SHC4: variants seen among roughly 807,000 people sequenced by gnomAD.
SHC4 encodes the protein SHC-transforming protein 4.
Under a neutral mutation model 69.4 loss-of-function variants are expected in SHC4, and 41 were observed. The ratio of observed to expected loss-of-function variants is 0.59; its 90% confidence interval spans 0.46 to 0.77. The LOEUF is 0.77. Among genes scored for constraint, SHC4 ranks in the 30% least tolerant of loss-of-function variants. The pLI is 0.00. For synonymous variants in SHC4, 318 were observed against 299.3 expected, an observed-to-expected ratio of 1.06 and a Z score of -0.64; for missense variants, 777 against 783.8, an observed-to-expected ratio of 0.99 and a Z score of 0.10.
intron 6 of SHC4, among the ~76,000 whole-genome samples, chr15:48,866,523 C>T (rs1457663176): frequency 6.6e-6 from 1 of 152,176 alleles, no homozygotes; most frequent in Admixed American, 6.5e-5. Flanking sequence ...TTAAGTTTCT[C>T]CCTGAATCCA....
chr15:48,860,526 TAAATAA>T (rs752293721), intron 6 of SHC4, among the ~76,000 whole-genome samples: 22 of 151,630 alleles, frequency 1.5e-4, no homozygotes, highest in Non-Finnish European at 1.9e-4. Context: ...ATAATAATAA[TAAATAA>T]AAATAAAAAT....
intron 3 of SHC4, among the ~76,000 whole-genome samples, chr15:48,885,285 G>A (rs1421872719): frequency 6.6e-6 from 1 of 152,154 alleles, no homozygotes; most frequent in African/African-American, 2.4e-5. Context: ...GATGACCTTA[G>A]ACAAATAAAC....
chr15:48,900,176 TCTC>T (rs1900297804), intron 2 of SHC4, among the ~76,000 whole-genome samples: 1 of 152,106 alleles, frequency 6.6e-6, no homozygotes, highest in Non-Finnish European at 1.5e-5. Flanking sequence ...AATCCTCTCT[TCTC>T]CTCTCTGCCT....
intron 4 of SHC4, among the ~76,000 whole-genome samples, chr15:48,881,911 T>C (rs965733798): frequency 2.0e-5 from 3 of 152,224 alleles, no homozygotes; most frequent in African/African-American, 7.2e-5. Flanking sequence ...TGAATTGTTA[T>C]ATTCTTGATG....
chr15:48,905,136 A>G (rs1900386232), intron 2 of SHC4, among the ~76,000 whole-genome samples: 1 of 152,146 alleles, frequency 6.6e-6, no homozygotes. Flanking sequence ...TGACCATGGA[A>G]AGTTCAAGAC....
intron 1 of SHC4, among the ~76,000 whole-genome samples, chr15:48,941,191 G>A (rs1901169363): frequency 6.6e-6 from 1 of 152,190 alleles, no homozygotes; most frequent in African/African-American, 2.4e-5. Flanking sequence ...CGAATCAGAA[G>A]AGTATAAGAC....
intron 1 of SHC4, among the ~76,000 whole-genome samples, chr15:48,942,468 T>C (rs1407027668): frequency 6.6e-6 from 1 of 152,088 alleles, no homozygotes; most frequent in Non-Finnish European, 1.5e-5. Context: ...GCTTATTTTA[T>C]AGCTTGTATT....
chr15:48,933,147 C>G (rs1901001312), intron 1 of SHC4, among the ~76,000 whole-genome samples: 1 of 152,070 alleles, frequency 6.6e-6, no homozygotes, highest in Non-Finnish European at 1.5e-5. Context: ...ATATGGCCTA[C>G]AAAAAGAACA....
At chr15:48,882,222 T>C (rs956451825) in intron 4 of SHC4, among the ~76,000 whole-genome samples, 2 of 152,136 alleles carry the variant, frequency 1.3e-5, no homozygotes, top group African/African-American at 4.8e-5. Flanking sequence ...TTGAGGCCTC[T>C]ACAGTGGCAC....
At chr15:48,927,296 C>G (rs1356838873) in intron 1 of SHC4, among the ~76,000 whole-genome samples, 4 of 152,208 alleles carry the variant, frequency 2.6e-5, no homozygotes, top group African/African-American at 9.6e-5. Flanking sequence ...AGTCCTGGCT[C>G]TGGAAAGAGT....
intron 1 of SHC4, among the ~76,000 whole-genome samples, chr15:48,930,407 C>G (rs968102709): frequency 6.6e-6 from 1 of 152,138 alleles, no homozygotes; most frequent in African/African-American, 2.4e-5. Context: ...CAGAATATAC[C>G]TGCATCTTGG....
intron 1 of SHC4, among the ~76,000 whole-genome samples, chr15:48,949,124 C>T (rs1721812092): frequency 6.6e-6 from 1 of 152,130 alleles, no homozygotes; most frequent in Non-Finnish European, 1.5e-5. Context: ...GTAATCCCAG[C>T]ACTTTGGGAG....
chr15:48,884,787 C>T (rs1900005230), intron 3 of SHC4, among the ~76,000 whole-genome samples: 1 of 152,174 alleles, frequency 6.6e-6, no homozygotes, highest in Admixed American at 6.6e-5. Flanking sequence ...TACGTAACTG[C>T]TTCCTTCTCT....
rs566992599 is a variant in SHC4, at chr15:48,840,048, C to T, written c.1483+3361G>A. ...CATCCTTTAAAGAAATATATATGTG[C>T]TCCTCTTGCTTTTCTCCTTTCCCAC... On this transcript the variant is annotated intron_variant, in intron 10 of 11. Coordinates refer to ENST00000332408, the MANE Select transcript of SHC4 (RefSeq NM_203349.4). 2.6e-5 allele frequency among the ~76,000 whole-genome samples: 4 copies of T among 152,278 alleles called. No homozygotes were observed. In the South Asian group the frequency reaches 8.3e-4, roughly 32 times the overall value.
chr15:48,827,097 T>C (rs1898702873), intron 11 of SHC4, among the ~76,000 whole-genome samples: 1 of 152,160 alleles, frequency 6.6e-6, no homozygotes, highest in African/African-American at 2.4e-5. Flanking sequence ...CAAGTGCTCC[T>C]GTTTGGAGGG....
chr15:48,857,475 G>C (rs1899345941), intron 7 of SHC4, among the ~76,000 whole-genome samples: 1 of 152,016 alleles, frequency 6.6e-6, no homozygotes. Context: ...TTTTAATCTT[G>C]TTACAAAGCA....
At chr15:48,872,282 T>C (rs1899692918) in intron 4 of SHC4, 140 bp from the exon 5 acceptor site, 4 of 512,072 alleles carry the variant, frequency 7.8e-6, no homozygotes, top group African/African-American at 2.0e-5. Context: ...ACCTACACTC[T>C]ATAATAATCT....
intron 1 of SHC4, among the ~76,000 whole-genome samples, chr15:48,956,832 A>G (rs1306968414): frequency 6.6e-6 from 1 of 152,192 alleles, no homozygotes. Context: ...TCCTCAAGGT[A>G]ACTCTTTCTA....
At chr15:48,933,062 C>A (rs1900999425) in intron 1 of SHC4, among the ~76,000 whole-genome samples, 1 of 152,050 alleles carries the variant, frequency 6.6e-6, no homozygotes, top group African/African-American at 2.4e-5. Flanking sequence ...AAACTCAGTG[C>A]TTAATAATAA....
Sources: gnomAD v4.1 joint callset for allele counts (sites outside exome capture counted in the v4.1 genomes callset) on GRCh38, gnomAD v4.1.1 for gene constraint, MANE v1.5 for transcripts, NCBI Gene and HGNC (gene_info 2026-07-23, HGNC 2026-07-21) for gene names.